Variants in GALNTL6 observed in about 807,000 individuals in gnomAD.
GALNTL6 encodes the protein polypeptide N-acetylgalactosaminyltransferase like 6.
Under a neutral mutation model 73.7 loss-of-function variants are expected in GALNTL6, and 46 were observed. The observed-to-expected ratio is 0.62, with a 90% CI of 0.49 to 0.80. The LOEUF is 0.80. Among genes scored for constraint, GALNTL6 ranks in the 30% least tolerant of loss-of-function variants. The probability of loss-of-function intolerance (pLI) is 0.00; values close to 1 mark genes in which losing one functional copy is unlikely to be tolerated. For synonymous variants in GALNTL6, 259 were observed against 263.7 expected (o/e 0.98, Z 0.17); for missense variants, 604 against 755.0 (o/e 0.80, Z 2.34).
chr4:172,104,003 G>A (rs558133915), intron 2 of GALNTL6, among the ~76,000 whole-genome samples: 219 of 151,332 alleles, frequency 1.4e-3, no homozygotes, highest in African/African-American at 5.1e-3. Context: ...GGCTGCAGTG[G>A]TGCAATCTCC....
chr4:172,739,627 TA>T (rs1432852691), intron 5 of GALNTL6, among the ~76,000 whole-genome samples: 6 of 152,114 alleles, frequency 3.9e-5, no homozygotes, highest in Non-Finnish European at 7.4e-5. Flanking sequence ...GAGGAAAACA[TA>T]AAAACTCTTG....
At chr4:172,046,904 T>C (rs7654286) in intron 2 of GALNTL6, among the ~76,000 whole-genome samples, 113,531 of 152,022 alleles carry the variant, frequency 0.75, 43,121 homozygotes, top group East Asian at 0.87. Flanking sequence ...TTTGCTTTTA[T>C]TGCAACCCCG....
chr4:171,898,247 A>G (rs1736984051), intron 2 of GALNTL6, among the ~76,000 whole-genome samples: 1 of 152,118 alleles, frequency 6.6e-6, no homozygotes, highest in Non-Finnish European at 1.5e-5. Flanking sequence ...GAGGAAATGT[A>G]TTCTCATACA....
At chr4:172,568,225 C>T (rs1170400180) in intron 5 of GALNTL6, among the ~76,000 whole-genome samples, 1 of 152,136 alleles carries the variant, frequency 6.6e-6, no homozygotes, top group African/African-American at 2.4e-5. Flanking sequence ...GCTAATGTTT[C>T]TTCTCTAGTG....
chr4:172,779,086 T>A (rs1390517778), intron 5 of GALNTL6, among the ~76,000 whole-genome samples: 2 of 152,138 alleles, frequency 1.3e-5, no homozygotes, highest in East Asian at 3.9e-4. Flanking sequence ...AGGGCTAATG[T>A]TTTTGTTTTG....
chr4:171,947,171 A>G (rs1020893020), intron 2 of GALNTL6, among the ~76,000 whole-genome samples: 2 of 151,978 alleles, frequency 1.3e-5, no homozygotes, highest in Non-Finnish European at 1.5e-5. Context: ...CATGTATTTA[A>G]ATTGTGCTCC....
intron 5 of GALNTL6, among the ~76,000 whole-genome samples, chr4:172,512,561 T>G (rs556516128): frequency 1.3e-5 from 2 of 152,206 alleles, no homozygotes; most frequent in African/African-American, 4.8e-5. Context: ...TCTAAGAAGG[T>G]TCTATTTTGG....
chr4:172,138,488 TATATATATATATATA>T (rs1733700047), intron 2 of GALNTL6, among the ~76,000 whole-genome samples: 3 of 6,006 alleles, frequency 5.0e-4, no homozygotes, highest in East Asian at 3.2e-3. Context: ...TATATATATA[TATATATATATATATA>T]TATATATATA....
At chr4:172,846,733 A>T (rs1419089462) in intron 7 of GALNTL6, among the ~76,000 whole-genome samples, 1 of 152,214 alleles carries the variant, frequency 6.6e-6, no homozygotes, top group Non-Finnish European at 1.5e-5. Flanking sequence ...TTTACAGATC[A>T]ATACCACAAT....
At chr4:171,840,815 C>T (rs956989546) in intron 2 of GALNTL6, among the ~76,000 whole-genome samples, 2 of 152,046 alleles carry the variant, frequency 1.3e-5, no homozygotes, top group Non-Finnish European at 2.9e-5. Context: ...TTTTCTGAAC[C>T]ATCTTAATTC....
At chr4:172,439,046 T>C (rs1731736911) in intron 5 of GALNTL6, among the ~76,000 whole-genome samples, 1 of 152,142 alleles carries the variant, frequency 6.6e-6, no homozygotes, top group South Asian at 2.1e-4. Context: ...TCTCTCATTG[T>C]TATAAATATT....
intron 3 of GALNTL6, among the ~76,000 whole-genome samples, chr4:172,296,071 A>G (rs1739661241): frequency 6.6e-6 from 1 of 152,124 alleles, no homozygotes; most frequent in Non-Finnish European, 1.5e-5. Context: ...GAAAGTGTTC[A>G]CTAACTCATC....
At chr4:171,921,283 C>T (rs936920735) in intron 2 of GALNTL6, among the ~76,000 whole-genome samples, 1 of 152,028 alleles carries the variant, frequency 6.6e-6, no homozygotes, top group Non-Finnish European at 1.5e-5. Context: ...TATGTGTCGA[C>T]CATGTTTTTG....
intron 10 of GALNTL6, among the ~76,000 whole-genome samples, chr4:172,960,613 G>T (rs539774046): frequency 6.6e-6 from 1 of 152,206 alleles, no homozygotes; most frequent in Admixed American, 6.5e-5. Flanking sequence ...CAGAGACTAG[G>T]GAGGGAACAA....
chr4:172,862,734 T>C (rs1744460427), intron 7 of GALNTL6, among the ~76,000 whole-genome samples: 1 of 152,168 alleles, frequency 6.6e-6, no homozygotes, highest in Non-Finnish European at 1.5e-5. Flanking sequence ...AAACCCATTT[T>C]CTGGGGAGAA....
intron 3 of GALNTL6, among the ~76,000 whole-genome samples, chr4:172,252,603 TA>T (rs1047117207): frequency 6.6e-6 from 1 of 152,058 alleles, no homozygotes; most frequent in African/African-American, 2.4e-5. Context: ...AGTTTTTAAG[TA>T]AAAATGATAT....
At chr4:172,180,056 G>A (rs560602831) in intron 2 of GALNTL6, among the ~76,000 whole-genome samples, 7 of 152,030 alleles carry the variant, frequency 4.6e-5, no homozygotes, top group East Asian at 1.9e-4. Context: ...ATTTACACTC[G>A]CACCAACAGT....
intron 2 of GALNTL6, among the ~76,000 whole-genome samples, chr4:172,140,326 T>C (rs987797552): frequency 6.6e-6 from 1 of 152,076 alleles, no homozygotes; most frequent in Non-Finnish European, 1.5e-5. Context: ...AGAACAGATA[T>C]ATGGTATTTT....
intron 10 of GALNTL6, among the ~76,000 whole-genome samples, chr4:172,976,017 C>G (rs973037357): frequency 6.6e-6 from 1 of 152,058 alleles, no homozygotes; most frequent in African/African-American, 2.4e-5. Flanking sequence ...CCGCTTAACT[C>G]GGAAGGGGGC....
Sources: gnomAD v4.1 joint callset for allele counts (sites outside exome capture counted in the v4.1 genomes callset) on GRCh38, gnomAD v4.1.1 for gene constraint, MANE v1.5 for transcripts, NCBI Gene and HGNC (gene_info 2026-07-23, HGNC 2026-07-21) for gene names.